RAB3C: variants seen among roughly 807,000 people sequenced by gnomAD.
RAB3C encodes ras-related protein Rab-3C.
Under a neutral mutation model 26.4 loss-of-function variants are expected in RAB3C, and 17 were observed. That is an observed-to-expected ratio of 0.64 (90% CI 0.44 to 0.97). The LOEUF is 0.97. Among genes scored for constraint, RAB3C ranks in the 50% least tolerant of loss-of-function variants. RAB3C has a pLI of 0.00. For synonymous variants in RAB3C, 91 were observed against 95.9 expected, an observed-to-expected ratio of 0.95 and a Z score of 0.30; for missense variants, 242 against 281.9, an observed-to-expected ratio of 0.86 and a Z score of 1.01.
chr5:58,648,074 G>T (rs1277825798), intron 2 of RAB3C, among the ~76,000 whole-genome samples: 1 of 152,134 alleles, frequency 6.6e-6, no homozygotes, highest in Admixed American at 6.5e-5. Flanking sequence ...TGATGACTTT[G>T]CTTCCCTGGG....
chr5:58,786,881 A>T (rs1052121190), intron 3 of RAB3C, among the ~76,000 whole-genome samples: 26 of 151,634 alleles, frequency 1.7e-4, no homozygotes, highest in African/African-American at 6.1e-4. Context: ...ACTGCGGTAC[A>T]TGTGCCGCAT....
At chr5:58,829,059 A>G (rs1205824795) in intron 4 of RAB3C, among the ~76,000 whole-genome samples, 2 of 151,244 alleles carry the variant, frequency 1.3e-5, no homozygotes, top group African/African-American at 4.9e-5. Flanking sequence ...ACGTGCCACC[A>G]CGCCCGGCTA....
intron 2 of RAB3C, among the ~76,000 whole-genome samples, chr5:58,636,685 C>A (rs1747296242): frequency 6.6e-6 from 1 of 152,024 alleles, no homozygotes; most frequent in African/African-American, 2.4e-5. Flanking sequence ...TGTGCCTGAC[C>A]AGGATGAAAA....
At chr5:58,812,059 T>A (rs575224260) in intron 3 of RAB3C, among the ~76,000 whole-genome samples, 1 of 152,170 alleles carries the variant, frequency 6.6e-6, no homozygotes, top group Admixed American at 6.5e-5. Context: ...CAACAAATAG[T>A]AAGGGAGTCA....
At chr5:58,608,378 G>T (rs1439747083) in intron 1 of RAB3C, among the ~76,000 whole-genome samples, 2 of 152,054 alleles carry the variant, frequency 1.3e-5, no homozygotes, top group African/African-American at 2.4e-5. Flanking sequence ...TTGGGCAAAG[G>T]ATATGAACAG....
At chr5:58,592,387 G>A (rs1469141578) in intron 1 of RAB3C, among the ~76,000 whole-genome samples, 2 of 152,124 alleles carry the variant, frequency 1.3e-5, no homozygotes, top group East Asian at 3.9e-4. Context: ...GTTGTCATAT[G>A]TTACATCTAT....
intron 4 of RAB3C, among the ~76,000 whole-genome samples, chr5:58,844,811 A>G (rs1490358594): frequency 6.6e-6 from 1 of 152,224 alleles, no homozygotes; most frequent in Non-Finnish European, 1.5e-5. Flanking sequence ...TACAGAAAAA[A>G]AAATATCACT....
chr5:58,732,491 C>T (rs987671362), intron 3 of RAB3C, among the ~76,000 whole-genome samples: 11 of 152,008 alleles, frequency 7.2e-5, no homozygotes, highest in Non-Finnish European at 1.3e-4. Flanking sequence ...AAGGCCATGA[C>T]TTTAGACTCA....
At position 58,726,415 on chromosome 5, in the gene RAB3C, A is replaced by C. The variant is rs557462474; in HGVS notation, c.371+295A>C. 3.3e-5 allele frequency among the ~76,000 whole-genome samples: 5 copies of C among 152,100 alleles called. No homozygotes were observed. The East Asian group carries it at 9.7e-4, about 30-fold the overall frequency. ...TTGCTTTTGATTTTTTAAAATATAA[A>C]TAACGAATGGTTTGGAAGTTTACTG... is the stretch of plus-strand genomic sequence containing the variant. On this transcript the variant is annotated intron_variant, in intron 3 of 4. Coordinates refer to ENST00000282878, the MANE Select transcript of RAB3C (RefSeq NM_138453.4).
At chr5:58,730,879 C>T (rs1321291687) in intron 3 of RAB3C, among the ~76,000 whole-genome samples, 1 of 152,108 alleles carries the variant, frequency 6.6e-6, no homozygotes, top group African/African-American at 2.4e-5. Context: ...ACTCACAGTT[C>T]CACATGGCCA....
chr5:58,745,394 A>G (rs1283214090), intron 3 of RAB3C, among the ~76,000 whole-genome samples: 5 of 134,386 alleles, frequency 3.7e-5, no homozygotes, highest in African/African-American at 1.0e-4. Context: ...CTCTGCTTCA[A>G]AAAAAAAAAA....
intron 3 of RAB3C, among the ~76,000 whole-genome samples, chr5:58,768,640 G>A (rs1741959571): frequency 6.6e-6 from 1 of 152,026 alleles, no homozygotes; most frequent in African/African-American, 2.4e-5. Context: ...TGAAAGAGGG[G>A]ATCATATGAA....
intron 2 of RAB3C, among the ~76,000 whole-genome samples, chr5:58,631,973 A>G (rs182725249): frequency 7.4e-4 from 112 of 152,372 alleles, no homozygotes; most frequent in African/African-American, 2.5e-3. Context: ...GAGTTTTATA[A>G]TGACATAAAG....
At chr5:58,597,214 AT>A (rs1746329168) in intron 1 of RAB3C, among the ~76,000 whole-genome samples, 1 of 2,452 alleles carries the variant, frequency 4.1e-4, no homozygotes. Context: ...TACTACATAA[AT>A]ATTATATAAT....
intron 3 of RAB3C, among the ~76,000 whole-genome samples, chr5:58,789,523 C>G (rs1477385288): frequency 2.0e-5 from 3 of 152,122 alleles, no homozygotes; most frequent in Non-Finnish European, 4.4e-5. Context: ...CTAGAGTCTT[C>G]TGAAAGTCAA....
intron 2 of RAB3C, among the ~76,000 whole-genome samples, chr5:58,693,802 T>C (rs187062565): frequency 3.3e-5 from 5 of 152,322 alleles, no homozygotes; most frequent in Admixed American, 2.0e-4. Flanking sequence ...ATGCCAATTC[T>C]AGTCTATGCA....
rs556788422 is a variant in RAB3C at position 58,700,318 on chromosome 5, A to C, written c.253-25684A>C. Among the ~76,000 whole-genome samples, 4 of 152,332 alleles carry C rather than the reference A, an allele frequency of 2.6e-5. No homozygotes were observed. In the South Asian group the frequency reaches 8.3e-4, roughly 32 times the overall value. On this transcript the variant is annotated intron_variant, in intron 2 of 4. Coordinates refer to ENST00000282878, the MANE Select transcript of RAB3C (RefSeq NM_138453.4). ...TTTATGAAACTTCCAGGTAATATTA[A>C]AATCCAAAGCATCCTGATTCTCTAC...
chr5:58,598,357 G>A (rs1746373261), intron 1 of RAB3C, among the ~76,000 whole-genome samples: 1 of 151,772 alleles, frequency 6.6e-6, no homozygotes, highest in Non-Finnish European at 1.5e-5. Flanking sequence ...CAGAGATTAA[G>A]TTAAACTTTA....
At chr5:58,737,394 AATATATATATATATATAT>A (rs55691242) in intron 3 of RAB3C, among the ~76,000 whole-genome samples, 450 of 38,260 alleles carry the variant, frequency 0.012, 17 homozygotes, top group Admixed American at 0.076. Flanking sequence ...CACCCTATGA[AATATATATATATATATAT>A]ATATATATAT....
Sources: gnomAD v4.1 joint callset for allele counts (sites outside exome capture counted in the v4.1 genomes callset) on GRCh38, gnomAD v4.1.1 for gene constraint, MANE v1.5 for transcripts, NCBI Gene and HGNC (gene_info 2026-07-23, HGNC 2026-07-21) for gene names.